ZBTB8OS: variants seen among roughly 807,000 people sequenced by gnomAD.
The protein encoded by ZBTB8OS is tRNA splicing ligase complex subunit 1, also known as tRNA-splicing ligase-activating factor archease.
A neutral mutation model predicts 29.3 loss-of-function variants in ZBTB8OS; 16 were observed. That is an observed-to-expected ratio of 0.55 (90% CI 0.37 to 0.83). The LOEUF (loss-of-function observed/expected upper bound fraction) is 0.83. Ranked by LOEUF, ZBTB8OS falls within the 40% of genes least tolerant of loss-of-function variation. The pLI is 0.00. For missense variants in ZBTB8OS, 160 were observed against 196.9 expected (o/e 0.81, Z 1.12); for synonymous variants, 70 against 64.6 (o/e 1.08, Z -0.40).
In ZBTB8OS at chr1:32,650,447, T is replaced by C. The variant is rs1647321239; in HGVS notation, c.83A>G (p.Asn28Ser). The change falls in exon 1 of 7, where the codon AAT (asparagine) becomes AGT (serine). Residue 28 changes from asparagine to serine, a missense_variant. By Grantham distance (46) the Asn-to-Ser change is conservative. Coordinates refer to ENST00000468695, the MANE Select transcript of ZBTB8OS (RefSeq NM_178547.5). The stretch of plus-strand genomic sequence containing the variant: ...CACCTACTCACACTCGTACTTCCTA[T>C]TGACTGGCGGATACTTGGCCTTGAT... ...KAIKAKYPPV[N>S]RKYEYLDHTA... 1 of 1,614,086 alleles carries C rather than the reference T, an allele frequency of 6.2e-7. No individual in the cohort carries two copies. Among genetic ancestry groups the C allele is most frequent in the African/African-American group, 1.3e-5 (1 of 74,936 alleles).
intron 1 of ZBTB8OS, among the ~76,000 whole-genome samples, chr1:32,641,307 CTT>C (rs1251240462): frequency 3.0e-5 from 3 of 99,668 alleles, no homozygotes; most frequent in African/African-American, 1.1e-4. Flanking sequence ...AGATTTTGCT[CTT>C]GTTGCCCAGG....
rs147087028 is a variant in ZBTB8OS at position 32,630,874 on chromosome 1, G to A, written c.380+953C>T. Among the ~76,000 whole-genome samples, 104 of 151,928 alleles carry A rather than the reference G, an allele frequency of 6.8e-4. 1 individual carries two copies. The East Asian group carries it at 0.014, about 21-fold the overall frequency. The stretch of plus-strand genomic sequence containing the variant: ...TAAAAATACAAAAAATTAGCCAGGC[G>A]TGGTAGCAGGCGCGTATAATCTCAG... On this transcript the variant is annotated intron_variant, in intron 5 of 6. Transcript: ENST00000468695.
At chr1:32,649,332 G>C (rs1241089471) in intron 1 of ZBTB8OS, among the ~76,000 whole-genome samples, 1 of 152,030 alleles carries the variant, frequency 6.6e-6, no homozygotes, top group Non-Finnish European at 1.5e-5. Flanking sequence ...GCCAGCTCCA[G>C]AAAGCACATT....
intron 1 of ZBTB8OS, among the ~76,000 whole-genome samples, chr1:32,642,544 G>C (rs1245735500): frequency 6.6e-6 from 1 of 150,486 alleles, no homozygotes; most frequent in Non-Finnish European, 1.5e-5. Context: ...CGGCAAAGCT[G>C]TTCTTTCTGG....
intron 1 of ZBTB8OS, among the ~76,000 whole-genome samples, chr1:32,642,008 T>G (rs1347782903): frequency 6.6e-6 from 1 of 152,212 alleles, no homozygotes; most frequent in African/African-American, 2.4e-5. Flanking sequence ...AACTCTGATT[T>G]TTTTTTATCT....
intron 1 of ZBTB8OS, among the ~76,000 whole-genome samples, chr1:32,648,344 T>C (rs928999960): frequency 5.9e-5 from 9 of 152,188 alleles, no homozygotes; most frequent in Non-Finnish European, 1.2e-4. Context: ...GTAGGAGTCT[T>C]AGCAATGGAA....
chr1:32,649,670 T>TCAC lies in ZBTB8OS; in HGVS notation c.97+762_97+763insGTG, dbSNP rs1557835448. Among the ~76,000 whole-genome samples, 207 of 118,858 alleles carry TCAC rather than the reference T, an allele frequency of 1.7e-3. 3 individuals carry two copies. Among genetic ancestry groups the TCAC allele is most frequent in the African/African-American group, 9.9e-3 (190 of 19,166 alleles). The allele number at this position is 118,858 out of a possible 152,430, so 78.0% of individuals were successfully genotyped here. ...CACACACACACACACACACACACAT[T>TCAC]TTTTTTTTTTTTTGAGACAGAGTTT... is the stretch of plus-strand genomic sequence containing the variant. On this transcript the variant is annotated intron_variant, in intron 1 of 6. Coordinates refer to ENST00000468695, the MANE Select transcript of ZBTB8OS (RefSeq NM_178547.5).
chr1:32,643,397 T>C (rs1403770585), intron 1 of ZBTB8OS, among the ~76,000 whole-genome samples: 1 of 151,184 alleles, frequency 6.6e-6, no homozygotes, highest in Non-Finnish European at 1.5e-5. Context: ...TAGTTTTTGG[T>C]TTTTTTTTCT....
chr1:32,638,549 G>C (rs2148412353), intron 1 of ZBTB8OS, among the ~76,000 whole-genome samples: 1 of 152,116 alleles, frequency 6.6e-6, no homozygotes, highest in Middle Eastern at 3.4e-3. Context: ...GTTAATATGG[G>C]TTATATCTGT....
chr1:32,650,819 G>T (rs1647444471), upstream of ZBTB8OS: 1 of 515,646 alleles, frequency 1.9e-6, no homozygotes, highest in Non-Finnish European at 3.4e-6. Flanking sequence ...GACTGGCGAG[G>T]TTCTTTCCCC....
intron 1 of ZBTB8OS, among the ~76,000 whole-genome samples, chr1:32,643,320 G>A (rs1189836103): frequency 6.6e-6 from 1 of 151,846 alleles, no homozygotes; most frequent in Non-Finnish European, 1.5e-5. Context: ...TGATTCACCC[G>A]CCTTGGCCTC....
At chr1:32,641,622 A>G (rs1479610333) in intron 1 of ZBTB8OS, among the ~76,000 whole-genome samples, 1 of 146,546 alleles carries the variant, frequency 6.8e-6, no homozygotes, top group Non-Finnish European at 1.5e-5. Flanking sequence ...CCACAAAAGT[A>G]CTTTATACAG....
chr1:32,650,434 C>T lies in ZBTB8OS; in HGVS notation c.96G>A (p.Glu32=). Residue 32 remains glutamate (E), a splice_region_variant and synonymous_variant, in exon 1 of 7, where the codon GAG becomes GAA. Transcript: ENST00000468695. ...GAGAGAAGTAAGCCACCTACTCACA[C>T]TCGTACTTCCTATTGACTGGCGGAT... ...AKYPPVNRKY[E]YLDHTADVQL... 3 of 1,614,184 alleles carry T rather than the reference C, an allele frequency of 1.9e-6. No individual in the cohort carries two copies. Among genetic ancestry groups the T allele is most frequent in the African/African-American group, 1.3e-5 (1 of 75,052 alleles).
At chr1:32,649,545 T>C (rs1028956694) in intron 1 of ZBTB8OS, among the ~76,000 whole-genome samples, 1 of 151,582 alleles carries the variant, frequency 6.6e-6, no homozygotes, top group Admixed American at 6.6e-5. Flanking sequence ...AGCGAATAAA[T>C]GGCAAAACCA....
chr1:32,646,535 C>A (rs374460632), intron 1 of ZBTB8OS, among the ~76,000 whole-genome samples: 2 of 151,232 alleles, frequency 1.3e-5, no homozygotes, highest in East Asian at 4.0e-4. Flanking sequence ...CTACAGGCGC[C>A]CGCCACCTCG....
At chr1:32,639,769 AT>A (rs1459198196) in intron 1 of ZBTB8OS, among the ~76,000 whole-genome samples, 12 of 152,176 alleles carry the variant, frequency 7.9e-5, no homozygotes, top group Non-Finnish European at 1.6e-4. Flanking sequence ...CTAAAAAAAA[AT>A]AAAAGTTATT....
At chr1:32,649,229 A>G (rs1647091208) in intron 1 of ZBTB8OS, among the ~76,000 whole-genome samples, 1 of 152,030 alleles carries the variant, frequency 6.6e-6, no homozygotes, top group South Asian at 2.1e-4. Context: ...CAGTCTCGCA[A>G]AGTGCTGGGA....
At chr1:32,636,448 C>G (rs556164332) in intron 1 of ZBTB8OS, among the ~76,000 whole-genome samples, 44 of 152,188 alleles carry the variant, frequency 2.9e-4, no homozygotes, top group South Asian at 6.2e-4. Context: ...CCCAGCACTT[C>G]GGGAGGCCGA....
rs1441680598 is a variant in ZBTB8OS, at chr1:32,641,613, C to T, written c.98-6821G>A. On this transcript the variant is annotated intron_variant, in intron 1 of 6. Coordinates refer to ENST00000468695, the MANE Select transcript of ZBTB8OS (RefSeq NM_178547.5). ...CACAAGTAATCAACACTTAACATGC[C>T]ACAAAAGTACTTTATACAGGCCGGG... Among the ~76,000 whole-genome samples the T allele has an allele frequency of 2.0e-5, 3 of 146,608 alleles. 1 individual carries two copies. The highest frequency in any genetic ancestry group is 4.5e-5 in the Non-Finnish European group (3 of 66,568).
Sources: allele counts gnomAD v4.1 joint callset (sites outside exome capture counted in the v4.1 genomes callset), GRCh38; gene constraint gnomAD v4.1.1; transcripts MANE v1.5; gene names NCBI Gene and HGNC (gene_info 2026-07-23, HGNC 2026-07-21).